Variants in NT5C3A observed in about 807,000 individuals in gnomAD.
NT5C3A encodes 5'-nucleotidase, cytosolic IIIA.
NT5C3A carries 23 observed loss-of-function variants against 40.0 expected under a neutral mutation model. The observed-to-expected ratio is 0.58, with a 90% CI of 0.41 to 0.81. The LOEUF (loss-of-function observed/expected upper bound fraction) is 0.81. Ranked by LOEUF, NT5C3A falls within the 40% of genes least tolerant of loss-of-function variation. The probability of loss-of-function intolerance (pLI) is 0.00; values close to 1 mark genes in which losing one functional copy is unlikely to be tolerated. For synonymous variants in NT5C3A, 130 were observed against 141.4 expected, an observed-to-expected ratio of 0.92 and a Z score of 0.57; for missense variants, 328 against 403.0, an observed-to-expected ratio of 0.81 and a Z score of 1.59.
At chr7:33,030,774 T>G (rs887075923) in intron 1 of NT5C3A, among the ~76,000 whole-genome samples, 5 of 152,194 alleles carry the variant, frequency 3.3e-5, no homozygotes, top group East Asian at 3.8e-4. Context: ...AGATTTGATA[T>G]GATCTTGTGG....
At chr7:33,060,369 C>CTTTTT (rs3082829) in intron 1 of NT5C3A, among the ~76,000 whole-genome samples, 38 of 78,504 alleles carry the variant, frequency 4.8e-4, no homozygotes, top group Middle Eastern at 9.8e-3. Flanking sequence ...TGCTTTCCTT[C>CTTTTT]TTTTTTTTTT....
At chr7:33,057,379 T>G (rs1420809520) in intron 1 of NT5C3A, among the ~76,000 whole-genome samples, 1 of 151,924 alleles carries the variant, frequency 6.6e-6, no homozygotes, top group Non-Finnish European at 1.5e-5. Context: ...CAAAAATTAG[T>G]TGGGCGTGGT....
intron 6 of NT5C3A, among the ~76,000 whole-genome samples, chr7:33,018,611 G>A (rs547270734): frequency 1.8e-4 from 27 of 152,330 alleles, no homozygotes; most frequent in Non-Finnish European, 3.8e-4. Flanking sequence ...AGCACTTTGG[G>A]AGGCGGAGAT....
chr7:33,040,217 T>C (rs1031671958), intron 1 of NT5C3A, among the ~76,000 whole-genome samples: 1 of 152,128 alleles, frequency 6.6e-6, no homozygotes, highest in African/African-American at 2.4e-5. Context: ...CTAACTTCTC[T>C]GATTTAAAGG....
intron 5 of NT5C3A, among the ~76,000 whole-genome samples, chr7:33,020,211 A>G (rs1276937509): frequency 6.6e-6 from 1 of 152,200 alleles, no homozygotes; most frequent in East Asian, 1.9e-4. Flanking sequence ...ACCTATAATC[A>G]TAGCATCTCA....
chr7:33,040,750 ATTATT>A (rs1263852796), intron 1 of NT5C3A: 1 of 327,794 alleles, frequency 3.1e-6, no homozygotes, highest in African/African-American at 2.2e-5. Flanking sequence ...ATACTGGAAC[ATTATT>A]TTATTTCCTA....
chr7:33,024,991 T>C (rs1186673335), intron 2 of NT5C3A, among the ~76,000 whole-genome samples: 3 of 151,658 alleles, frequency 2.0e-5, no homozygotes, highest in Non-Finnish European at 4.4e-5. Context: ...AATACAAAAA[T>C]AGCCAGGTGT....
At chr7:33,024,428 T>C (rs942415980) in intron 2 of NT5C3A, among the ~76,000 whole-genome samples, 10 of 151,872 alleles carry the variant, frequency 6.6e-5, no homozygotes, top group African/African-American at 1.9e-4. Flanking sequence ...TGGAGGTCAT[T>C]ATCTTAAGTG....
At chr7:33,026,084 G>A (rs1785912347) in intron 2 of NT5C3A, among the ~76,000 whole-genome samples, 3 of 152,186 alleles carry the variant, frequency 2.0e-5, no homozygotes, top group Admixed American at 2.0e-4. Context: ...TGCTCTGGAA[G>A]CTGAGGAGGG....
chr7:33,031,326 G>A (rs982905822), intron 1 of NT5C3A, among the ~76,000 whole-genome samples: 7 of 151,664 alleles, frequency 4.6e-5, no homozygotes, highest in Non-Finnish European at 7.4e-5. Context: ...GGTGGCTCAT[G>A]CCTGTAATCC....
At chr7:33,035,887 G>A in intron 1 of NT5C3A, 1 of 1,466,680 alleles carries the variant, frequency 6.8e-7, no homozygotes, top group Non-Finnish European at 9.6e-7. Context: ...TAAAAGTGGT[G>A]AAGATTTACC....
intron 1 of NT5C3A, among the ~76,000 whole-genome samples, chr7:33,027,208 G>A (rs1473369098): frequency 6.6e-6 from 1 of 152,108 alleles, no homozygotes; most frequent in Non-Finnish European, 1.5e-5. Context: ...TAGGTAGAAG[G>A]CATGCGCCAT....
chr7:33,053,339 C>T (rs1240407107), intron 1 of NT5C3A, among the ~76,000 whole-genome samples: 1 of 152,106 alleles, frequency 6.6e-6, no homozygotes, highest in African/African-American at 2.4e-5. Context: ...AGGTTTGTGC[C>T]ACCACGCCTG....
chr7:33,043,159 A>C (rs1215415841), intron 1 of NT5C3A, among the ~76,000 whole-genome samples: 3 of 152,212 alleles, frequency 2.0e-5, no homozygotes, highest in African/African-American at 7.2e-5. Context: ...CTAACTTCAG[A>C]ATCCATGTTT....
At chr7:33,032,491 C>G (rs1055062468) in intron 1 of NT5C3A, among the ~76,000 whole-genome samples, 1 of 150,990 alleles carries the variant, frequency 6.6e-6, no homozygotes, top group Non-Finnish European at 1.5e-5. Context: ...GGGTCTTGCT[C>G]TGTCACCCAG....
At chr7:33,031,853 G>A (rs539668951) in intron 1 of NT5C3A, among the ~76,000 whole-genome samples, 14 of 152,104 alleles carry the variant, frequency 9.2e-5, no homozygotes, top group East Asian at 1.9e-4. Context: ...GGCCGGGCAC[G>A]GTGGCTGACG....
intron 5 of NT5C3A, among the ~76,000 whole-genome samples, chr7:33,020,737 G>A (rs1785578680): frequency 6.6e-6 from 1 of 151,108 alleles, no homozygotes; most frequent in African/African-American, 2.4e-5. Flanking sequence ...GATCATTCTG[G>A]TGGACTACTC....
chr7:33,037,220 C>T (rs374253652), intron 1 of NT5C3A, among the ~76,000 whole-genome samples: 9 of 152,094 alleles, frequency 5.9e-5, no homozygotes, highest in African/African-American at 2.2e-4. Flanking sequence ...ACTGAATGAA[C>T]CTTTTAGGGT....
intron 2 of NT5C3A, among the ~76,000 whole-genome samples, chr7:33,024,864 G>C (rs1316636176): frequency 6.6e-6 from 1 of 152,122 alleles, no homozygotes. Context: ...ATCCAGCCAG[G>C]CACGGTGGCT....
Sources: gnomAD v4.1 joint callset for allele counts (sites outside exome capture counted in the v4.1 genomes callset) on GRCh38, gnomAD v4.1.1 for gene constraint, MANE v1.5 for transcripts, NCBI Gene and HGNC (gene_info 2026-07-23, HGNC 2026-07-21) for gene names.